PATL1: variants seen among roughly 807,000 people sequenced by gnomAD.
The protein encoded by PATL1 is protein PAT1 homolog 1.
PATL1 carries 32 observed loss-of-function variants against 100.6 expected under a neutral mutation model. The observed-to-expected ratio is 0.32, with a 90% CI of 0.24 to 0.43. The LOEUF (loss-of-function observed/expected upper bound fraction) is 0.43. Ranked by LOEUF, PATL1 falls within the 20% of genes least tolerant of loss-of-function variation. The probability of loss-of-function intolerance (pLI) is 1.00; values close to 1 mark genes in which losing one functional copy is unlikely to be tolerated. For missense variants in PATL1, 747 were observed against 949.9 expected (o/e 0.79, Z 2.81); for synonymous variants, 332 against 330.0 (o/e 1.01, Z -0.07).
In PATL1 at chr11:59,638,015, A is replaced by G. The variant is rs1861217149; in HGVS notation, c.*375T>C. 1.2e-5 allele frequency: 3 copies of G among 252,482 alleles called. No individual in the cohort carries two copies. The highest frequency in any genetic ancestry group is 2.2e-5 in the African/African-American group (1 of 46,040). The allele number at this position is 252,482 out of a possible 1,614,324, so 15.6% of individuals were successfully genotyped here. A position where few individuals can be genotyped will look rare whatever the true frequency, so the allele number is the denominator to read the frequency against. ...ATGGGGCAATGAAAAAACAACTTCAATAGGATGAGGGAAGGAATCCTTTGG... is the reference window on the plus strand; with the variant it reads ...ATGGGGCAATGAAAAAACAACTTCAGTAGGATGAGGGAAGGAATCCTTTGG... On this transcript the variant is annotated 3_prime_UTR_variant, in exon 19 of 19. Transcript: ENST00000300146.
At chr11:59,643,070 A>G in intron 15 of PATL1, 35 bp from the exon 16 acceptor site, 1 of 1,602,758 alleles carries the variant, frequency 6.2e-7, no homozygotes, top group Non-Finnish European at 8.5e-7. Flanking sequence ...ATATCCTGGC[A>G]CGTGTTACTT....
In PATL1 at chr11:59,668,899, T is replaced by C; in HGVS notation, c.-4A>G. ...AGCTCACCTCGTAGCGGAACATTCT[T>C]GGGGAGGGGGGCAGGGAGCGGGGAG... On this transcript the variant is annotated 5_prime_UTR_variant, in exon 1 of 19. Coordinates refer to ENST00000300146, the MANE Select transcript of PATL1 (RefSeq NM_152716.3). The C allele has an allele frequency of 3.0e-6, 2 of 667,766 alleles. No individual in the cohort carries two copies. The highest frequency in any genetic ancestry group is 5.6e-4 in the Middle Eastern group (1 of 1,794). 41.4% of individuals were successfully genotyped at this position (667,766 alleles called of 1,614,324 possible). A position where few individuals can be genotyped will look rare whatever the true frequency, so the allele number is the denominator to read the frequency against.
Position 59,636,795 on chromosome 11 carries a change from A to G in PATL1, c.*1595T>C, listed in dbSNP as rs916334404. 6.6e-6 allele frequency: 1 copy of G among 152,626 alleles called. No individual in the cohort carries two copies. The highest frequency in any genetic ancestry group is 6.5e-5 in the Admixed American group (1 of 15,274). 9.5% of individuals were successfully genotyped at this position (152,626 alleles called of 1,614,324 possible). A position where few individuals can be genotyped will look rare whatever the true frequency, so the allele number is the denominator to read the frequency against. On this transcript the variant is annotated 3_prime_UTR_variant, in exon 19 of 19. Transcript: ENST00000300146. ...AGAAACTTTTATTTTCATTAATTAG[A>G]ACCAATCCAAACAAAAAAGATAAAG...
chr11:59,661,924 T>C (rs1204490337), intron 2 of PATL1, among the ~76,000 whole-genome samples: 2 of 152,206 alleles, frequency 1.3e-5, no homozygotes, highest in Non-Finnish European at 2.9e-5. Context: ...TGGTAAACAT[T>C]TGGATTATTT....
chr11:59,655,968 A>G lies in PATL1; in HGVS notation c.801T>C (p.Leu267=), dbSNP rs1366462963. ...VLSPLQRAQL[L]GGAQLQPGRM... ...ATCACAGGCTTACCTGTGCTCCTCC[A>G]AGAAGCTGTGCTCTCTGGAGGGGGC... is the stretch of plus-strand genomic sequence containing the variant. The change falls in exon 7 of 19, where the codon CTT becomes CTC. Residue 267 remains leucine (L), a synonymous_variant. Coordinates refer to ENST00000300146, the MANE Select transcript of PATL1 (RefSeq NM_152716.3). The G allele has an allele frequency of 6.3e-7, 1 of 1,596,188 alleles. No individual in the cohort carries two copies. The highest frequency in any genetic ancestry group is 1.7e-5 in the Admixed American group (1 of 57,716).
intron 16 of PATL1, among the ~76,000 whole-genome samples, chr11:59,641,080 A>G (rs1242044891): frequency 2.0e-5 from 3 of 152,068 alleles, no homozygotes; most frequent in South Asian, 2.1e-4. Context: ...CTGACGCAGG[A>G]GAACTGCTTG....
At chr11:59,667,705 G>T (rs1861710892) in intron 1 of PATL1, among the ~76,000 whole-genome samples, 1 of 152,190 alleles carries the variant, frequency 6.6e-6, no homozygotes, top group African/African-American at 2.4e-5. Context: ...ACCAACTATG[G>T]CAGAGAGTTG....
At chr11:59,651,724 T>C in intron 11 of PATL1, 83 bp from the exon 12 acceptor site, 1 of 869,052 alleles carries the variant, frequency 1.2e-6, no homozygotes, top group Non-Finnish European at 1.8e-6. Context: ...AGATTTTTAC[T>C]TTCCTCTGTC....
At chr11:59,646,503 A>C (rs999251372) in intron 15 of PATL1, among the ~76,000 whole-genome samples, 10 of 152,034 alleles carry the variant, frequency 6.6e-5, no homozygotes, top group Non-Finnish European at 1.3e-4. Flanking sequence ...TTAAATATAT[A>C]CTTGTCCCAA....
rs1861519900 is a variant in PATL1, at chr11:59,655,745, A to G, written c.814-5T>C. The G allele has an allele frequency of 1.3e-6, 2 of 1,577,052 alleles. No individual in the cohort carries two copies. The highest frequency in any genetic ancestry group is 1.7e-6 in the Non-Finnish European group (2 of 1,160,364). On this transcript the variant is annotated splice_region_variant and splice_polypyrimidine_tract_variant and intron_variant, in intron 7 of 18. Transcript: ENST00000300146. ...AGACATCCGTCCAGGCTGTAGCTAC[A>G]AAGAGGAAGAAGATCTTAGATTTAG...
chr11:59,654,201 G>T (rs1861489044), intron 8 of PATL1, 129 bp from the exon 9 acceptor site: 2 of 761,206 alleles, frequency 2.6e-6, no homozygotes, highest in Non-Finnish European at 4.4e-6. Context: ...TTCGGGATGG[G>T]TGCGGTGACT....
rs780924975 is a variant in PATL1, at chr11:59,639,403, G to T, written c.2050-20C>A. The T allele has an allele frequency of 3.3e-6, 5 of 1,538,336 alleles. No individual in the cohort carries two copies. The South Asian group carries it at 6.0e-5, about 18-fold the overall frequency. The stretch of plus-strand genomic sequence containing the variant: ...GCCAAACTACGAGAAAAGACAGAGG[G>T]AATCAAACTCAACACTGTGTCTAAA... On this transcript the variant is annotated intron_variant, in intron 16 of 18. Transcript: ENST00000300146.
chr11:59,648,573 T>A (rs892503923), intron 14 of PATL1, among the ~76,000 whole-genome samples: 1 of 151,798 alleles, frequency 6.6e-6, no homozygotes, highest in African/African-American at 2.4e-5. Flanking sequence ...AGTTAATTAG[T>A]GTTACCATTT....
chr11:59,652,675 C>T (rs1861463728), intron 10 of PATL1, 88 bp from the exon 11 acceptor site: 1 of 1,557,620 alleles, frequency 6.4e-7, no homozygotes, highest in Non-Finnish European at 8.7e-7. Context: ...GTGACAGTAA[C>T]ACAAGTTCAG....
At chr11:59,649,735 T>A (rs1861414974) in intron 13 of PATL1, 125 bp from the exon 14 acceptor site, 1 of 1,070,196 alleles carries the variant, frequency 9.3e-7, no homozygotes, top group African/African-American at 1.6e-5. Flanking sequence ...GAGATTTTTT[T>A]TTTTTTAATG....
At position 59,639,321 on chromosome 11, in the gene PATL1, A is replaced by G; in HGVS notation, c.2112T>C (p.Pro704=). 1 of 1,551,648 alleles carries G rather than the reference A, an allele frequency of 6.4e-7. No homozygotes were observed. The part of the protein sequence containing the change: ...SRGEDLQSSD[P]ATESTQNNQW... ...GATTATTTTGTGTTGATTCTGTAGC[A>G]GGGTCTGAACTCTGTAGGTCTTCAC... The change falls in exon 17 of 19, where the codon CCT becomes CCC. Residue 704 remains proline, a synonymous_variant. Coordinates refer to ENST00000300146, the MANE Select transcript of PATL1 (RefSeq NM_152716.3).
At chr11:59,655,884 AAG>A in intron 7 of PATL1, 70 bp downstream of exon 7, 1 of 1,368,300 alleles carries the variant, frequency 7.3e-7, no homozygotes, top group Non-Finnish European at 1.0e-6. Context: ...ACAGCAAAAA[AAG>A]GGGCTATTAT....
Position 59,666,984 on chromosome 11 carries a change from A to G in PATL1, c.16-20T>C, listed in dbSNP as rs931232646. The stretch of plus-strand genomic sequence containing the variant: ...CAAAGACTAAAAAAAAAGAAAAGAC[A>G]TTAGTTATTCATGAAATTCACACCC... On this transcript the variant is annotated intron_variant, in intron 1 of 18. Coordinates refer to ENST00000300146, the MANE Select transcript of PATL1 (RefSeq NM_152716.3). 7 of 1,533,234 alleles carry G rather than the reference A, an allele frequency of 4.6e-6. No individual in the cohort carries two copies. Among genetic ancestry groups the G allele is most frequent in the African/African-American group, 4.2e-5 (3 of 72,008 alleles). The allele number at this position is 1,533,234 out of a possible 1,614,324, so 95.0% of individuals were successfully genotyped here.
intron 16 of PATL1, among the ~76,000 whole-genome samples, chr11:59,640,544 C>G (rs1482334502): frequency 6.7e-6 from 1 of 149,732 alleles, no homozygotes; most frequent in Non-Finnish European, 1.5e-5. Flanking sequence ...ACGGTGAAAC[C>G]CTGCCTCTAC....
Sources: allele counts gnomAD v4.1 joint callset (sites outside exome capture counted in the v4.1 genomes callset), GRCh38; gene constraint gnomAD v4.1.1; transcripts MANE v1.5; gene names NCBI Gene and HGNC (gene_info 2026-07-23, HGNC 2026-07-21).